The following BFAR variants were observed in gnomAD, a reference collection of about 807,000 sequenced individuals.
The protein encoded by BFAR is RING finger protein 47.
Under a neutral mutation model 54.4 loss-of-function variants are expected in BFAR, and 52 were observed. The ratio of observed to expected loss-of-function variants is 0.96; its 90% CI spans 0.77 to 1.21. The LOEUF is 1.21. BFAR is among the 50% of genes most tolerant of loss of function. BFAR has a pLI of 0.00. For synonymous variants in BFAR, 215 were observed against 204.3 expected (o/e 1.05, Z -0.45); for missense variants, 571 against 534.0 (o/e 1.07, Z -0.68).
intron 1 of BFAR, 108 bp downstream of exon 1, chr16:14,633,126 G>C (rs1430738085): frequency 2.6e-5 from 4 of 152,286 alleles, no homozygotes; most frequent in Non-Finnish European, 5.9e-5. Flanking sequence ...CTCCCCAGCC[G>C]GGTCGTAGGA....
intron 4 of BFAR, 132 bp downstream of exon 4, chr16:14,650,105 T>C (rs1959926670): frequency 1.1e-6 from 1 of 883,200 alleles, no homozygotes; most frequent in South Asian, 2.6e-5. Context: ...ATCGATCATT[T>C]GAGGTCAGGA....
At chr16:14,665,665 G>C (rs981140289) in intron 7 of BFAR, among the ~76,000 whole-genome samples, 5 of 152,124 alleles carry the variant, frequency 3.3e-5, no homozygotes, top group African/African-American at 1.2e-4. Flanking sequence ...AGAACATCAA[G>C]GCTGTTTCAC....
At chr16:14,654,213 G>A (rs1300386805) in intron 4 of BFAR, among the ~76,000 whole-genome samples, 8 of 151,552 alleles carry the variant, frequency 5.3e-5, no homozygotes, top group Non-Finnish European at 1.0e-4. Context: ...GGGTTTCACC[G>A]TGTTAGCCAG....
chr16:14,662,988 G>A (rs1299062097), intron 6 of BFAR, among the ~76,000 whole-genome samples: 1 of 152,102 alleles, frequency 6.6e-6, no homozygotes, highest in Non-Finnish European at 1.5e-5. Flanking sequence ...TGCATGCGCC[G>A]GTAATCAGAA....
At chr16:14,647,245 C>T (rs917485715) in intron 2 of BFAR, among the ~76,000 whole-genome samples, 3 of 151,944 alleles carry the variant, frequency 2.0e-5, no homozygotes, top group Admixed American at 1.3e-4. Context: ...CCACCACACC[C>T]GGTTGATTTT....
intron 5 of BFAR, among the ~76,000 whole-genome samples, chr16:14,659,914 T>A (rs1358618979): frequency 6.6e-6 from 1 of 152,236 alleles, no homozygotes; most frequent in Non-Finnish European, 1.5e-5. Flanking sequence ...TCACACTTTT[T>A]AAAAATCTAA....
At position 14,644,529 on chromosome 16, in the gene BFAR, G is replaced by A; in HGVS notation, c.183G>A (p.Trp61Ter). The A allele has an allele frequency of 6.2e-7, 1 of 1,614,050 alleles. No homozygotes were observed. Among genetic ancestry groups the A allele is most frequent in the Non-Finnish European group, 8.5e-7 (1 of 1,179,980 alleles). The change falls in exon 2 of 8, where the codon TGG becomes TGA. Residue 61 changes from tryptophan to a stop codon, truncating the protein, a stop_gained. Coordinates refer to ENST00000261658, the MANE Select transcript of BFAR (RefSeq NM_016561.3). LOFTEE classifies it high-confidence loss of function. ...TCTGCCGTCACTGCCTTGCTTTATG[G>A]TGGGCATCTTCAAAGAAAACAGAAT... is the stretch of plus-strand genomic sequence containing the variant. ...HSFCRHCLAL[W>*]WASSKKTECP... is the part of the protein sequence containing the mutation.
chr16:14,634,074 T>C (rs1959354623), intron 1 of BFAR, among the ~76,000 whole-genome samples: 1 of 152,032 alleles, frequency 6.6e-6, no homozygotes, highest in East Asian at 1.9e-4. Flanking sequence ...GAAAACAGAG[T>C]GAGAGCCTAG....
At chr16:14,636,696 C>T (rs934148969) in intron 1 of BFAR, among the ~76,000 whole-genome samples, 4 of 152,212 alleles carry the variant, frequency 2.6e-5, no homozygotes, top group Admixed American at 6.5e-5. Context: ...TTACGGGTGT[C>T]GGGCTGGGGG....
chr16:14,640,708 C>T (rs1006315534), intron 1 of BFAR, among the ~76,000 whole-genome samples: 22 of 152,268 alleles, frequency 1.4e-4, no homozygotes, highest in African/African-American at 5.1e-4. Flanking sequence ...TCACCTGCTT[C>T]CTTATAACCA....
intron 6 of BFAR, among the ~76,000 whole-genome samples, chr16:14,664,192 G>A (rs1160389855): frequency 6.6e-6 from 1 of 152,088 alleles, no homozygotes; most frequent in Non-Finnish European, 1.5e-5. Context: ...CTCAGGGCTT[G>A]TATACATAGG....
intron 4 of BFAR, among the ~76,000 whole-genome samples, chr16:14,651,412 C>G (rs1163033855): frequency 6.6e-6 from 1 of 152,208 alleles, no homozygotes; most frequent in Non-Finnish European, 1.5e-5. Flanking sequence ...CACGGGTGCA[C>G]TCCCCTCCAG....
intron 1 of BFAR, among the ~76,000 whole-genome samples, chr16:14,636,419 T>C (rs1395882292): frequency 1.3e-5 from 2 of 152,346 alleles, no homozygotes; most frequent in East Asian, 3.9e-4. Context: ...CTCTGCATCA[T>C]AGACAAGGTA....
At chr16:14,660,127 C>G (rs540989401) in intron 5 of BFAR, among the ~76,000 whole-genome samples, 1 of 152,256 alleles carries the variant, frequency 6.6e-6, no homozygotes, top group African/African-American at 2.4e-5. Flanking sequence ...TCCCTCCCAG[C>G]CCTCCCAATT....
At chr16:14,633,317 T>G (rs929480783) in intron 1 of BFAR, 2 of 152,296 alleles carry the variant, frequency 1.3e-5, no homozygotes, top group African/African-American at 4.8e-5. Context: ...CACTCCCTCC[T>G]GGGGCTCCCT....
chr16:14,663,864 A>T (rs1161671237), intron 6 of BFAR, among the ~76,000 whole-genome samples: 1 of 152,082 alleles, frequency 6.6e-6, no homozygotes, highest in African/African-American at 2.4e-5. Flanking sequence ...ATGTATTCAT[A>T]ATTCATGCTT....
intron 2 of BFAR, among the ~76,000 whole-genome samples, chr16:14,647,750 G>T (rs931731300): frequency 5.9e-5 from 9 of 151,564 alleles, no homozygotes; most frequent in Non-Finnish European, 8.8e-5. Flanking sequence ...TCTCTGCATG[G>T]TTCTGCAGTT....
At chr16:14,644,180 A>T in intron 1 of BFAR, 94 bp from the exon 2 acceptor site, 3 of 721,134 alleles carry the variant, frequency 4.2e-6, no homozygotes, top group South Asian at 2.0e-5. Context: ...AAAAAAAAAA[A>T]TTAGCGCTTC....
At chr16:14,650,867 A>C (rs1050499505) in intron 4 of BFAR, among the ~76,000 whole-genome samples, 1 of 152,208 alleles carries the variant, frequency 6.6e-6, no homozygotes, top group African/African-American at 2.4e-5. Context: ...TGACTGAGTC[A>C]TATGGTAACT....
Sources: allele counts gnomAD v4.1 joint callset (sites outside exome capture counted in the v4.1 genomes callset), GRCh38; gene constraint gnomAD v4.1.1; transcripts MANE v1.5; gene names NCBI Gene and HGNC (gene_info 2026-07-23, HGNC 2026-07-21).